The following SPATA13 variants were observed in gnomAD, a reference collection of about 807,000 sequenced individuals.
SPATA13 encodes the protein spermatogenesis-associated protein 13.
In SPATA13, 50 loss-of-function variants were observed where a neutral mutation model predicts 104.0. The observed-to-expected ratio is 0.48, with a 90% CI of 0.38 to 0.61. The LOEUF (loss-of-function observed/expected upper bound fraction) is 0.61, where lower values mean the gene tolerates loss of function less well. Among genes scored for constraint, SPATA13 ranks in the 20% least tolerant of loss-of-function variants. SPATA13 has a pLI of 0.00. For synonymous variants in SPATA13, 606 were observed against 667.5 expected (o/e 0.91, Z 1.42); for missense variants, 1,524 against 1,690.6 (o/e 0.90, Z 1.73).
chr13:24,082,826 CAAAAAAAA>C (rs3075296), intron 3 of SPATA13, among the ~76,000 whole-genome samples: 1,004 of 50,124 alleles, frequency 0.02, 7 homozygotes, highest in South Asian at 0.15. Context: ...GACTCCGTCT[CAAAAAAAA>C]AAAAAAAAAA....
At chr13:24,269,388 G>A (rs1874450814) in intron 4 of SPATA13, among the ~76,000 whole-genome samples, 1 of 151,748 alleles carries the variant, frequency 6.6e-6, no homozygotes, top group Admixed American at 6.6e-5. Flanking sequence ...ATGTATGTAT[G>A]TGTGTATGTA....
Position 24,288,983 on chromosome 13 carries a change from C to T in SPATA13, c.2668-16C>T, listed in dbSNP as rs934088683. The T allele has an allele frequency of 2.5e-6, 4 of 1,581,962 alleles. No individual in the cohort carries two copies. Among genetic ancestry groups the T allele is most frequent in the Admixed American group, 3.9e-5 (2 of 50,882 alleles). ...TTGGATTTCCAAATAAAAAGTATTA[C>T]TTCTGTATTTTGCAGGGCTATATCC... On this transcript the variant is annotated splice_polypyrimidine_tract_variant and intron_variant, in intron 7 of 12. Coordinates refer to ENST00000382108, the MANE Select transcript of SPATA13 (RefSeq NM_001166271.3).
intron 3 of SPATA13, among the ~76,000 whole-genome samples, chr13:24,069,503 G>A (rs1879084819): frequency 6.6e-6 from 1 of 152,152 alleles, no homozygotes; most frequent in Admixed American, 6.5e-5. Flanking sequence ...TTGTTTATCA[G>A]GTTAAGAAGC....
At chr13:24,148,286 A>G (rs1593360503) in intron 3 of SPATA13, among the ~76,000 whole-genome samples, 1 of 152,164 alleles carries the variant, frequency 6.6e-6, no homozygotes. Context: ...CTCAGGGTTC[A>G]AGGGGTCTCA....
chr13:24,064,781 C>T (rs1412545722), intron 3 of SPATA13, among the ~76,000 whole-genome samples: 1 of 152,148 alleles, frequency 6.6e-6, no homozygotes, highest in Non-Finnish European at 1.5e-5. Context: ...TCAATACCAC[C>T]ACTGATGTCA....
At chr13:24,053,442 C>T (rs1319958937) in intron 3 of SPATA13, among the ~76,000 whole-genome samples, 1 of 152,132 alleles carries the variant, frequency 6.6e-6, no homozygotes, top group Non-Finnish European at 1.5e-5. Flanking sequence ...AAGTAAGTAC[C>T]AACACCTCCT....
intron 12 of SPATA13, 74 bp from the exon 13 acceptor site, chr13:24,302,524 A>T (rs570119392): frequency 7.9e-6 from 6 of 756,672 alleles, no homozygotes; most frequent in Non-Finnish European, 1.2e-5. Context: ...GAGTCTCAGC[A>T]TTTTTATTTT....
intron 3 of SPATA13, 117 bp downstream of exon 3, chr13:24,249,959 A>G: frequency 2.2e-6 from 3 of 1,369,632 alleles, no homozygotes; most frequent in African/African-American, 1.5e-5. Flanking sequence ...GGGCGGCACC[A>G]TGTACTTAAC....
chr13:24,133,067 G>T (rs1372243952), intron 3 of SPATA13, among the ~76,000 whole-genome samples: 1 of 152,160 alleles, frequency 6.6e-6, no homozygotes, highest in Non-Finnish European at 1.5e-5. Flanking sequence ...GCCAGGGAAG[G>T]AGCCAACATT....
intron 1 of SPATA13, among the ~76,000 whole-genome samples, chr13:24,171,196 C>T (rs1882951850): frequency 6.6e-6 from 1 of 152,078 alleles, no homozygotes; most frequent in Non-Finnish European, 1.5e-5. Context: ...GTTTTAGATC[C>T]CCAGGAAATG....
intron 3 of SPATA13, among the ~76,000 whole-genome samples, chr13:24,142,659 CTCTTCCTCATCCT>C (rs1303689647): frequency 6.6e-6 from 1 of 152,076 alleles, no homozygotes; most frequent in Non-Finnish European, 1.5e-5. Flanking sequence ...TCCCCCTTTC[CTCTTCCTCATCCT>C]TCTTCCTCTT....
intron 9 of SPATA13, among the ~76,000 whole-genome samples, chr13:24,292,995 CAAAAAAAAAAAAAAAA>C (rs34221097): frequency 8.4e-5 from 2 of 23,932 alleles, no homozygotes; most frequent in African/African-American, 2.0e-4. Context: ...GACTTTGTCT[CAAAAAAAAAAAAAAAA>C]AAAAAAAAAA....
chr13:24,263,432 T>C (rs930218350), intron 4 of SPATA13, among the ~76,000 whole-genome samples: 3 of 152,190 alleles, frequency 2.0e-5, no homozygotes, highest in African/African-American at 7.2e-5. Context: ...CAAGGAATAT[T>C]GGCTGTTGAT....
At chr13:24,187,217 A>T (rs1402969433) in intron 1 of SPATA13, among the ~76,000 whole-genome samples, 1 of 152,208 alleles carries the variant, frequency 6.6e-6, no homozygotes, top group Non-Finnish European at 1.5e-5. Flanking sequence ...AGGAGAAAGA[A>T]ATAGTCACAG....
rs557784266 is a variant in SPATA13, at chr13:24,049,152, CT to C, written c.-112+31452del. Reference sequence around the variant, plus strand: ...TGTATTGATTCTCCAGTTGTTTTATCTCCTTTGCTGTAAAATATGAACAACA... The same window carrying C: ...TGTATTGATTCTCCAGTTGTTTTATCCCTTTGCTGTAAAATATGAACAACA... On this transcript the variant is annotated intron_variant, in intron 3 of 14. Coordinates refer to the SPATA13 transcript ENST00000424834. Among the ~76,000 whole-genome samples, 10 of 152,312 alleles carry C rather than the reference CT, an allele frequency of 6.6e-5. No individual in the cohort carries two copies. The South Asian group carries it at 1.5e-3, about 22-fold the overall frequency.
intron 3 of SPATA13, among the ~76,000 whole-genome samples, chr13:24,119,120 G>T (rs979838389): frequency 6.6e-6 from 1 of 152,052 alleles, no homozygotes; most frequent in Non-Finnish European, 1.5e-5. Context: ...TGTTAGCCAG[G>T]ATGGTCTCGA....
chr13:24,295,194 T>C (rs893431679), intron 10 of SPATA13, among the ~76,000 whole-genome samples: 90 of 152,258 alleles, frequency 5.9e-4, no homozygotes, highest in African/African-American at 2.1e-3. Flanking sequence ...AGTAGAAGTA[T>C]GGGGGACTCT....
intron 1 of SPATA13, among the ~76,000 whole-genome samples, chr13:24,163,090 G>T (rs1882575320): frequency 6.6e-6 from 1 of 152,158 alleles, no homozygotes; most frequent in African/African-American, 2.4e-5. Context: ...AGGAAGCCCT[G>T]AAGAAAGTGG....
chr13:24,245,192 A>G (rs528275437), intron 2 of SPATA13, among the ~76,000 whole-genome samples: 3 of 152,118 alleles, frequency 2.0e-5, no homozygotes, highest in Non-Finnish European at 2.9e-5. Flanking sequence ...TTGATGGGAC[A>G]TGTGTGTCTA....
Sources: allele counts gnomAD v4.1 joint callset (sites outside exome capture counted in the v4.1 genomes callset), GRCh38; gene constraint gnomAD v4.1.1; transcripts MANE v1.5; gene names NCBI Gene and HGNC (gene_info 2026-07-23, HGNC 2026-07-21).